NUDT21: variants seen among roughly 807,000 people sequenced by gnomAD.
The protein encoded by NUDT21 is nudix hydrolase 21.
NUDT21 carries 5 observed loss-of-function variants against 29.8 expected under a neutral mutation model. The observed-to-expected ratio is 0.17, with a 90% CI of 0.09 to 0.35. The LOEUF (loss-of-function observed/expected upper bound fraction) is 0.35, where lower values mean the gene tolerates loss of function less well. Ranked by LOEUF, NUDT21 falls within the 10% of genes least tolerant of loss-of-function variation. The pLI is 1.00. For synonymous variants in NUDT21, 113 were observed against 98.5 expected, an observed-to-expected ratio of 1.15 and a Z score of -0.87; for missense variants, 76 against 276.0, an observed-to-expected ratio of 0.28 and a Z score of 5.13.
At chr16:56,447,093 G>A (rs1962228380) in intron 2 of NUDT21, 1 of 162,114 alleles carries the variant, frequency 6.2e-6, no homozygotes, top group South Asian at 1.8e-4. Context: ...AGTATACAGT[G>A]TTTATTTTTT....
chr16:56,448,838 G>C (rs558778229), intron 1 of NUDT21, among the ~76,000 whole-genome samples: 12 of 152,184 alleles, frequency 7.9e-5, no homozygotes, highest in Non-Finnish European at 5.9e-5. Flanking sequence ...GCCCATCCAA[G>C]GTATCTATTC....
chr16:56,447,727 GA>G (rs1203350229), intron 2 of NUDT21, 61 bp downstream of exon 2: 1 of 1,441,168 alleles, frequency 6.9e-7, no homozygotes, highest in Admixed American at 1.7e-5. Flanking sequence ...TTGTATTCCA[GA>G]GCTGCATAAA....
intron 6 of NUDT21, 115 bp from the exon 7 acceptor site, chr16:56,432,848 T>C (rs1962050600): frequency 7.0e-6 from 5 of 710,638 alleles, no homozygotes; most frequent in Admixed American, 6.7e-5. Flanking sequence ...TGGCATTTTC[T>C]TTTTTTCCCC....
chr16:56,443,761 A>G (rs539935867), intron 3 of NUDT21, among the ~76,000 whole-genome samples: 12 of 152,206 alleles, frequency 7.9e-5, no homozygotes, highest in African/African-American at 2.9e-4. Flanking sequence ...GCCCACTCCC[A>G]TTTTGCTTTC....
intron 4 of NUDT21, chr16:56,435,228 A>G (rs1215645703): frequency 6.4e-6 from 1 of 155,450 alleles, no homozygotes; most frequent in Admixed American, 6.5e-5. Context: ...GGTTCAAGTG[A>G]TTCTCCTGCC....
intron 4 of NUDT21, among the ~76,000 whole-genome samples, chr16:56,435,801 A>C (rs1272866681): frequency 9.0e-6 from 1 of 111,538 alleles, no homozygotes; most frequent in African/African-American, 3.4e-5. Context: ...TAAGTTAAAC[A>C]GTCTAGAATC....
chr16:56,449,765 T>G (rs1190010766), intron 1 of NUDT21, among the ~76,000 whole-genome samples: 1 of 152,140 alleles, frequency 6.6e-6, no homozygotes, highest in Non-Finnish European at 1.5e-5. Context: ...CCTTTACCAT[T>G]TGATGGATTT....
Position 56,447,653 on chromosome 16 carries a change from T to C in NUDT21, c.317+136A>G, listed in dbSNP as rs75334718. ...TGCAATGGAGAAAAATTACTCATGA[T>C]TTTCTCTTTCTAAAGACATCATTAA... On this transcript the variant is annotated intron_variant, in intron 2 of 6. Transcript: ENST00000300291. 1,435 of 717,048 alleles carry C rather than the reference T, an allele frequency of 2.0e-3. 13 individuals are homozygous for C. The African/African-American group carries it at 0.023, about 12-fold the overall frequency. The allele number at this position is 717,048 out of a possible 1,614,324, so 44.4% of individuals were successfully genotyped here.
At chr16:56,435,746 TATATATA>T (rs1962093381) in intron 4 of NUDT21, among the ~76,000 whole-genome samples, 2 of 49,658 alleles carry the variant, frequency 4.0e-5, no homozygotes, top group African/African-American at 1.8e-4. Flanking sequence ...AAAAAAATTA[TATATATA>T]TATATATATA....
rs544308507 is a variant in NUDT21 at position 56,430,666 on chromosome 16, C to T, written c.*2046G>A. ...TTGATTTCCCCTAATTCTATTATTT[C>T]CATCAGAAAACCAAAAACAGATTAT... On this transcript the variant is annotated 3_prime_UTR_variant, in exon 7 of 7. Coordinates refer to ENST00000300291, the MANE Select transcript of NUDT21 (RefSeq NM_007006.3). The T allele has an allele frequency of 1.1e-4, 17 of 152,298 alleles. No homozygotes were observed. The South Asian group carries it at 3.5e-3, about 32-fold the overall frequency. 9.4% of individuals were successfully genotyped at this position (152,298 alleles called of 1,614,324 possible). A position where few individuals can be genotyped will look rare whatever the true frequency, so the allele number is the denominator to read the frequency against.
chr16:56,448,419 AC>A (rs1962243173), intron 1 of NUDT21, among the ~76,000 whole-genome samples: 1 of 152,196 alleles, frequency 6.6e-6, no homozygotes, highest in Non-Finnish European at 1.5e-5. Flanking sequence ...TTTTCCTAAA[AC>A]TAAGCCACCG....
At chr16:56,447,576 TCAA>T in intron 2 of NUDT21, 1 of 538,830 alleles carries the variant, frequency 1.9e-6, no homozygotes, top group Non-Finnish European at 3.3e-6. Flanking sequence ...ATCATTAACA[TCAA>T]CAACATACAG....
intron 3 of NUDT21, 44 bp from the exon 4 acceptor site, chr16:56,439,790 T>C (rs1444943057): frequency 1.4e-6 from 2 of 1,439,704 alleles, no homozygotes; most frequent in South Asian, 2.3e-5. Flanking sequence ...ATATATGTAC[T>C]CACAAATCCC....
intron 4 of NUDT21, among the ~76,000 whole-genome samples, chr16:56,437,432 T>C (rs1402185788): frequency 6.6e-6 from 1 of 152,220 alleles, no homozygotes; most frequent in African/African-American, 2.4e-5. Flanking sequence ...CAAAAGGTCA[T>C]ACTGACACTT....
intron 4 of NUDT21, among the ~76,000 whole-genome samples, chr16:56,438,599 T>C (rs1172188123): frequency 6.6e-6 from 1 of 152,210 alleles, no homozygotes; most frequent in Admixed American, 6.5e-5. Flanking sequence ...TAATTTGTTA[T>C]GCAGGTATAG....
At chr16:56,440,115 A>G (rs1962143322) in intron 3 of NUDT21, among the ~76,000 whole-genome samples, 1 of 152,236 alleles carries the variant, frequency 6.6e-6, no homozygotes, top group Non-Finnish European at 1.5e-5. Flanking sequence ...TGCTTCACCC[A>G]TTCCCACTGG....
chr16:56,451,151 T>G lies in NUDT21; in HGVS notation c.52A>C (p.Thr18Pro). Reference protein sequence around the residue: ...RSQTGWPRGVTQFGNKYIQQT... With the variant: ...RSQTGWPRGVPQFGNKYIQQT... ...TGGATGTACTTGTTGCCGAACTGAG[T>G]GACCCCCCGGGGCCAGCCGGTCTGC... Residue 18 changes from threonine to proline, a missense_variant, in exon 1 of 7, where the codon ACT becomes CCT. Around this residue, in one of 5 missense-constraint regions of NUDT21, gnomAD observed 20 missense variants for 26.3 expected, o/e 0.76. Coordinates refer to ENST00000300291, the MANE Select transcript of NUDT21 (RefSeq NM_007006.3). 2 of 1,613,296 alleles carry G rather than the reference T, an allele frequency of 1.2e-6. No individual in the cohort carries two copies. Among genetic ancestry groups the G allele is most frequent in the Non-Finnish European group, 1.7e-6 (2 of 1,179,628 alleles).
intron 6 of NUDT21, among the ~76,000 whole-genome samples, chr16:56,433,832 G>T (rs114168948): frequency 6.6e-6 from 1 of 151,928 alleles, no homozygotes; most frequent in African/African-American, 2.4e-5. Flanking sequence ...GATTAAAAGC[G>T]CTGGCCACCA....
chr16:56,445,155 G>A (rs1596957276), intron 3 of NUDT21, among the ~76,000 whole-genome samples: 1 of 152,106 alleles, frequency 6.6e-6, no homozygotes, highest in East Asian at 1.9e-4. Flanking sequence ...TTGCACTCCA[G>A]CCTGGGTGAC....
Sources: gnomAD v4.1 joint callset for allele counts (sites outside exome capture counted in the v4.1 genomes callset) on GRCh38, gnomAD v4.1.1 for gene constraint, gnomAD v4.1.1 regional missense constraint, MANE v1.5 for transcripts, NCBI Gene and HGNC (gene_info 2026-07-23, HGNC 2026-07-21) for gene names.